The following GATAD2B variants were observed in gnomAD, a reference collection of about 807,000 sequenced individuals.
The protein encoded by GATAD2B is transcriptional repressor p66-beta.
Under a neutral mutation model 64.3 loss-of-function variants are expected in GATAD2B, and 8 were observed. The ratio of observed to expected loss-of-function variants is 0.12; its 90% CI spans 0.07 to 0.22. The LOEUF (loss-of-function observed/expected upper bound fraction) is 0.22. Ranked by LOEUF, GATAD2B falls within the 10% of genes least tolerant of loss-of-function variation. The pLI is 1.00. For missense variants in GATAD2B, 453 were observed against 752.0 expected (o/e 0.60, Z 4.65); for synonymous variants, 281 against 271.3 (o/e 1.04, Z -0.35).
chr1:153,808,142 G>C lies in GATAD2B; in HGVS notation c.*2035C>G, dbSNP rs1168656979. 6.6e-6 allele frequency: 1 copy of C among 152,338 alleles called. No homozygotes were observed. Among genetic ancestry groups the C allele is most frequent in the Non-Finnish European group, 1.5e-5 (1 of 68,016 alleles). The allele number at this position is 152,338 out of a possible 1,614,324, so 9.4% of individuals were successfully genotyped here. On this transcript the variant is annotated 3_prime_UTR_variant, in exon 11 of 11. Transcript: ENST00000368655. ...CCCTCTCCCACCACTTACAGTCAGG[G>C]GTACCACATTCCCCGGAAAAATACT...
intron 1 of GATAD2B, chr1:153,852,736 A>G: frequency 2.2e-6 from 2 of 915,076 alleles, no homozygotes; most frequent in South Asian, 2.6e-5. Context: ...CTTGGTAGAC[A>G]GGGAGTGAAG....
At chr1:153,829,700 C>G (rs1675009331) in intron 1 of GATAD2B, among the ~76,000 whole-genome samples, 1 of 152,204 alleles carries the variant, frequency 6.6e-6, no homozygotes, top group Non-Finnish European at 1.5e-5. Flanking sequence ...CTCGCCACTG[C>G]ACTCCAGCCT....
At chr1:153,892,999 T>C (rs1677468505) in intron 1 of GATAD2B, among the ~76,000 whole-genome samples, 1 of 151,994 alleles carries the variant, frequency 6.6e-6, no homozygotes, top group Non-Finnish European at 1.5e-5. Flanking sequence ...GGCCAAGAAA[T>C]CTTCTTTATT....
Position 153,818,183 on chromosome 1 carries a change from A to T in GATAD2B, c.598-12T>A, listed in dbSNP as rs1228885471. The T allele has an allele frequency of 2.5e-6, 4 of 1,583,562 alleles. No homozygotes were observed. The highest frequency in any genetic ancestry group is 3.4e-6 in the Non-Finnish European group (4 of 1,165,772). ...TGTACAACTGGAGTCTGGGAGAGGGAAGAGAAAATAAGACTGTGGCCAATA... is the reference window on the plus strand; with the variant it reads ...TGTACAACTGGAGTCTGGGAGAGGGTAGAGAAAATAAGACTGTGGCCAATA... On this transcript the variant is annotated splice_polypyrimidine_tract_variant and intron_variant, in intron 4 of 10. Transcript: ENST00000368655.
intron 1 of GATAD2B, among the ~76,000 whole-genome samples, chr1:153,893,969 A>AT (rs1677501332): frequency 6.6e-6 from 1 of 150,908 alleles, no homozygotes; most frequent in African/African-American, 2.4e-5. Context: ...AAAAAAAAAA[A>AT]AAAAAAAAAA....
At chr1:153,870,569 T>A (rs1676630142) in intron 1 of GATAD2B, among the ~76,000 whole-genome samples, 1 of 151,880 alleles carries the variant, frequency 6.6e-6, no homozygotes, top group Non-Finnish European at 1.5e-5. Context: ...CCAGACTCCG[T>A]CTCAAAAAAA....
intron 1 of GATAD2B, among the ~76,000 whole-genome samples, chr1:153,857,792 A>G (rs749896691): frequency 3.9e-5 from 6 of 152,196 alleles, no homozygotes; most frequent in Non-Finnish European, 7.3e-5. Flanking sequence ...CAGAGGTCCA[A>G]GACCTGTTTA....
At chr1:153,882,363 T>A (rs1246762532) in intron 1 of GATAD2B, among the ~76,000 whole-genome samples, 7 of 152,146 alleles carry the variant, frequency 4.6e-5, no homozygotes, top group Admixed American at 4.6e-4. Context: ...TTTATCCCTA[T>A]TGCTAGTGCT....
chr1:153,875,518 T>C (rs1408464849), intron 1 of GATAD2B, among the ~76,000 whole-genome samples: 1 of 152,030 alleles, frequency 6.6e-6, no homozygotes, highest in Non-Finnish European at 1.5e-5. Flanking sequence ...AAGGACCAGA[T>C]AATAACATTT....
At chr1:153,856,302 A>G (rs1676080157) in intron 1 of GATAD2B, among the ~76,000 whole-genome samples, 1 of 152,188 alleles carries the variant, frequency 6.6e-6, no homozygotes, top group Admixed American at 6.5e-5. Flanking sequence ...GAGTATAGAC[A>G]TCTTGGGAGA....
At chr1:153,884,095 G>A (rs1045155923) in intron 1 of GATAD2B, among the ~76,000 whole-genome samples, 12 of 152,090 alleles carry the variant, frequency 7.9e-5, no homozygotes, top group Non-Finnish European at 1.6e-4. Context: ...CCCGGAGTTC[G>A]ACACCAGCCT....
In GATAD2B at chr1:153,922,727, C is replaced by T. The variant is rs993874751; in HGVS notation, c.-2+6G>A. On this transcript the variant is annotated splice_donor_region_variant and intron_variant, in intron 1 of 10. Coordinates refer to ENST00000368655, the MANE Select transcript of GATAD2B (RefSeq NM_020699.4). ...GGCCAGGCTGGCCTAGGCCAAAGCT[C>T]CTCACCTGGCGGTGGCGGTGTAACT... 1 of 152,062 alleles carries T rather than the reference C, an allele frequency of 6.6e-6. No individual in the cohort carries two copies. The highest frequency in any genetic ancestry group is 6.6e-5 in the Admixed American group (1 of 15,228). 9.4% of individuals were successfully genotyped at this position (152,062 alleles called of 1,614,324 possible).
intron 1 of GATAD2B, among the ~76,000 whole-genome samples, chr1:153,850,682 G>C (rs1297240585): frequency 6.6e-6 from 1 of 152,060 alleles, no homozygotes; most frequent in African/African-American, 2.4e-5. Context: ...CACTTTGGGA[G>C]GCCTACGCAG....
intron 1 of GATAD2B, among the ~76,000 whole-genome samples, chr1:153,846,877 C>T (rs1675707029): frequency 6.6e-6 from 1 of 151,356 alleles, no homozygotes; most frequent in South Asian, 2.1e-4. Context: ...TCTTTTATGC[C>T]TTCTATTAAA....
chr1:153,816,419 C>T lies in GATAD2B; in HGVS notation c.1070G>A (p.Arg357His). 6.2e-7 allele frequency: 1 copy of T among 1,614,134 alleles called. No homozygotes were observed. Among genetic ancestry groups the T allele is most frequent in the Non-Finnish European group, 8.5e-7 (1 of 1,180,008 alleles). ...NSQAAAKLAL[R>H]KQLEKTLLEI... ...CAGGAGTGTCTTTTCCAGCTGTTTG[C>T]GAAGAGCCAATTTGGCTGCAGCCTG... is the stretch of plus-strand genomic sequence containing the variant. Residue 357 changes from arginine (R) to histidine (H), a missense_variant, in exon 7 of 11, where the codon CGC becomes CAC. Coordinates refer to ENST00000368655, the MANE Select transcript of GATAD2B (RefSeq NM_020699.4). The surrounding 1 kb of genome is among the most constrained non-coding windows in gnomAD (Gnocchi z 4.9).
intron 1 of GATAD2B, among the ~76,000 whole-genome samples, chr1:153,888,743 T>G (rs1677263220): frequency 6.6e-6 from 1 of 152,228 alleles, no homozygotes; most frequent in Non-Finnish European, 1.5e-5. Flanking sequence ...GCCTGGCTTT[T>G]TGCTGTTACT....
intron 1 of GATAD2B, chr1:153,853,326 C>T (rs1675970447): frequency 2.6e-6 from 2 of 766,864 alleles, no homozygotes; most frequent in Non-Finnish European, 4.7e-6. Context: ...GGGCTGAGGA[C>T]ATGGGGTCAT....
chr1:153,859,120 T>C (rs767045526), intron 1 of GATAD2B, among the ~76,000 whole-genome samples: 6 of 152,006 alleles, frequency 3.9e-5, no homozygotes, highest in Non-Finnish European at 8.8e-5. Context: ...CCCAGCACTT[T>C]GGGAGGCCGA....
intron 7 of GATAD2B, among the ~76,000 whole-genome samples, chr1:153,815,101 A>AAAC (rs1326181702): frequency 1.3e-3 from 194 of 144,212 alleles, no homozygotes; most frequent in Non-Finnish European, 2.7e-3. Flanking sequence ...AAAAAAAAAA[A>AAAC]AAAAAAAAAA....
Sources: allele counts gnomAD v4.1 joint callset (sites outside exome capture counted in the v4.1 genomes callset), GRCh38; gene constraint gnomAD v4.1.1; non-coding constraint Gnocchi (gnomAD v3.1); transcripts MANE v1.5; gene names NCBI Gene and HGNC (gene_info 2026-07-23, HGNC 2026-07-21).